The following CDH23 variants were observed in gnomAD, a reference collection of about 807,000 sequenced individuals.
CDH23 encodes cadherin related 23, also known as cadherin-23.
A neutral mutation model predicts 317.1 loss-of-function variants in CDH23; 189 were observed. The ratio of observed to expected loss-of-function variants is 0.60; its 90% CI spans 0.53 to 0.67. The LOEUF (loss-of-function observed/expected upper bound fraction) is 0.67, where lower values mean the gene tolerates loss of function less well. Among genes scored for constraint, CDH23 ranks in the 30% least tolerant of loss-of-function variants. The probability of loss-of-function intolerance (pLI) is 0.00; values close to 1 mark genes in which losing one functional copy is unlikely to be tolerated. For synonymous variants in CDH23, 1,839 were observed against 1,876.8 expected (o/e 0.98, Z 0.52); for missense variants, 4,401 against 4,592.4 (o/e 0.96, Z 1.20).
chr10:71,585,477 T>G (rs751005540), intron 9 of CDH23, among the ~76,000 whole-genome samples: 2 of 152,228 alleles, frequency 1.3e-5, no homozygotes, highest in Admixed American at 6.5e-5. Context: ...ACAAACCTGC[T>G]GTCCAAAGTG....
At chr10:71,639,346 C>G (rs889460149) in intron 11 of CDH23, among the ~76,000 whole-genome samples, 1 of 152,198 alleles carries the variant, frequency 6.6e-6, no homozygotes, top group Non-Finnish European at 1.5e-5. Context: ...GTCCCCCAGC[C>G]CCCTGTGGGA....
intron 6 of CDH23, among the ~76,000 whole-genome samples, chr10:71,558,314 T>G (rs1395760137): frequency 6.6e-6 from 1 of 152,170 alleles, no homozygotes; most frequent in African/African-American, 2.4e-5. Context: ...TTTTTTTTCC[T>G]CTGGAATTCC....
intron 14 of CDH23, 43 bp from the exon 15 acceptor site, chr10:71,675,069 A>G (rs1468361110): frequency 1.3e-6 from 2 of 1,582,868 alleles, no homozygotes; most frequent in Non-Finnish European, 1.7e-6. Context: ...CTGAAGCCTC[A>G]GCTGGGCCTG....
At chr10:71,705,542 C>G (rs531763610) in intron 25 of CDH23, among the ~76,000 whole-genome samples, 1 of 152,158 alleles carries the variant, frequency 6.6e-6, no homozygotes, top group Non-Finnish European at 1.5e-5. Context: ...AGACCTCCCC[C>G]TCCCATGGGT....
Position 71,702,205 on chromosome 10 carries a change from A to G in CDH23, c.2581A>G (p.Thr861Ala), listed in dbSNP as rs764615920. Reference protein sequence around the residue: ...ELMRKIVVSVTDCGRPPLKAT... With the variant: ...ELMRKIVVSVADCGRPPLKAT... Reference sequence around the variant, plus strand: ...GATGCGCAAAATCGTCGTCTCTGTTACTGACTGTATGGACCCCTCTCGCCC... The same window carrying G: ...GATGCGCAAAATCGTCGTCTCTGTTGCTGACTGTATGGACCCCTCTCGCCC... The change falls in exon 23 of 70, where the codon ACT (threonine) becomes GCT (alanine). Residue 861 changes from threonine to alanine, a missense_variant. Around this residue, in one of 3 missense-constraint regions of CDH23, gnomAD observed 3,068 missense variants for 3,203.3 expected, o/e 0.96. Transcript: ENST00000224721. The G allele has an allele frequency of 6.2e-6, 10 of 1,613,530 alleles. No homozygotes were observed. The highest frequency in any genetic ancestry group is 5.3e-5 in the African/African-American group (4 of 74,902).
intron 14 of CDH23, among the ~76,000 whole-genome samples, chr10:71,659,067 G>C (rs946709045): frequency 1.3e-5 from 2 of 152,186 alleles, no homozygotes; most frequent in Non-Finnish European, 2.9e-5. Context: ...CAGAGAGCCC[G>C]TGACACCCTG....
chr10:71,426,499 G>A lies in CDH23; in HGVS notation c.-5-13328G>A, dbSNP rs755954343. 2.2e-4 allele frequency among the ~76,000 whole-genome samples: 34 copies of A among 152,214 alleles called. No individual in the cohort carries two copies. The Middle Eastern group carries it at 0.01, about 46-fold the overall frequency. ...TCACCACGGGAGATGGACTTCAGGT[G>A]AGGCAGGAGGGGGCTAGGTGAGGCC... On this transcript the variant is annotated intron_variant, in intron 1 of 69. Coordinates refer to ENST00000224721, the MANE Select transcript of CDH23 (RefSeq NM_022124.6).
At chr10:71,805,306 A>T (rs1841678117) in intron 55 of CDH23, among the ~76,000 whole-genome samples, 1 of 152,158 alleles carries the variant, frequency 6.6e-6, no homozygotes, top group Non-Finnish European at 1.5e-5. Context: ...CCCCTATCCT[A>T]TCCACCATGT....
At chr10:71,582,743 T>C (rs1232215237) in intron 9 of CDH23, among the ~76,000 whole-genome samples, 7 of 152,158 alleles carry the variant, frequency 4.6e-5, no homozygotes, top group Non-Finnish European at 2.9e-5. Flanking sequence ...GACTCTTCAT[T>C]CCCACCCACA....
intron 3 of CDH23, among the ~76,000 whole-genome samples, chr10:71,448,161 G>A (rs192972620): frequency 2.6e-5 from 4 of 152,314 alleles, no homozygotes; most frequent in South Asian, 2.1e-4. Flanking sequence ...GGTTCTGAGC[G>A]TGGGGTCCTC....
At chr10:71,658,480 C>A (rs139340477) in intron 14 of CDH23, among the ~76,000 whole-genome samples, 4 of 152,212 alleles carry the variant, frequency 2.6e-5, no homozygotes, top group Admixed American at 2.0e-4. Flanking sequence ...GCCTGTCCCG[C>A]CTTTGAAGCA....
intron 14 of CDH23, among the ~76,000 whole-genome samples, chr10:71,672,971 G>T (rs1589318381): frequency 6.6e-6 from 1 of 151,928 alleles, no homozygotes; most frequent in East Asian, 1.9e-4. Flanking sequence ...CTTCTCAGCT[G>T]CTCTCCTCCA....
chr10:71,789,805 C>A (rs150416951), intron 45 of CDH23, among the ~76,000 whole-genome samples: 2 of 152,340 alleles, frequency 1.3e-5, no homozygotes, highest in African/African-American at 4.8e-5. Context: ...CCAGGGAATC[C>A]CAGGCCTGTG....
At chr10:71,749,915 G>A (rs781402465) in intron 38 of CDH23, 3 of 152,210 alleles carry the variant, frequency 2.0e-5, no homozygotes, top group Non-Finnish European at 4.4e-5. Flanking sequence ...GCTGCTAGGA[G>A]ACAAATGCCC....
Position 71,397,190 on chromosome 10 carries a change from T to C in CDH23, c.-134T>C, listed in dbSNP as rs1248748040. On this transcript the variant is annotated 5_prime_UTR_variant, in exon 1 of 70. The change abolishes an upstream ATG in the 5' untranslated region. Transcript: ENST00000224721. The surrounding 1 kb of genome is among the most constrained non-coding windows in gnomAD (Gnocchi z 4.8). ...CCAGGAGCTGCCGGCACGCCGCGGA[T>C]GAGCCTTCGCGCCGGCGGGAAGACG... 1 of 240,946 alleles carries C rather than the reference T, an allele frequency of 4.2e-6. No individual in the cohort carries two copies. Among genetic ancestry groups the C allele is most frequent in the Non-Finnish European group, 8.3e-6 (1 of 120,714 alleles). 14.9% of individuals were successfully genotyped at this position (240,946 alleles called of 1,614,324 possible).
chr10:71,812,008 T>C lies in CDH23; in HGVS notation c.9373T>C (p.Phe3125Leu), dbSNP rs45583140. Residue 3125 changes from phenylalanine (F) to leucine (L), a missense_variant, in exon 66 of 70, where the codon TTT (phenylalanine) becomes CTT (leucine). Phe to Leu is a conservative substitution (Grantham distance 22, BLOSUM62 0). This residue lies in a region of CDH23 where 1,144 missense variants were observed against 1,138.2 expected (regional missense o/e 1.01). Transcript: ENST00000224721. ...MDMPNTNKYSFDGANPVWLDP... is the reference protein window; with the variant it reads ...MDMPNTNKYSLDGANPVWLDP... ...CATGCCTAACACCAACAAGTACTCC[T>C]TTGATGGGTGAGTGGGGTACTGGCC... The C allele has an allele frequency of 0.05, 80,804 of 1,612,768 alleles. 3,770 individuals are homozygous for C. Among genetic ancestry groups the C allele is most frequent in the East Asian group, 0.27 (12,248 of 44,802 alleles).
At chr10:71,405,289 A>C (rs1456364274) in intron 1 of CDH23, among the ~76,000 whole-genome samples, 5 of 152,094 alleles carry the variant, frequency 3.3e-5, no homozygotes, top group Non-Finnish European at 5.9e-5. Context: ...GAGGAGGCTG[A>C]TCTTGCCCTT....
chr10:71,701,458 G>A (rs895187465), intron 22 of CDH23, among the ~76,000 whole-genome samples: 1 of 152,112 alleles, frequency 6.6e-6, no homozygotes, highest in African/African-American at 2.4e-5. Context: ...TTCATGACGT[G>A]GGGGTTATAA....
chr10:71,612,106 C>T (rs1860932637), intron 9 of CDH23, among the ~76,000 whole-genome samples: 1 of 152,190 alleles, frequency 6.6e-6, no homozygotes, highest in Non-Finnish European at 1.5e-5. Context: ...AGTCCTCTCT[C>T]AGGTGGCCTT....
Sources: allele counts gnomAD v4.1 joint callset (sites outside exome capture counted in the v4.1 genomes callset), GRCh38; gene constraint gnomAD v4.1.1; regional missense constraint gnomAD v4.1.1; non-coding constraint Gnocchi (gnomAD v3.1); transcripts MANE v1.5; gene names NCBI Gene and HGNC (gene_info 2026-07-23, HGNC 2026-07-21).